The following EFCAB13 variants were observed in gnomAD, a reference collection of about 807,000 sequenced individuals.
EFCAB13 encodes EF-hand calcium binding domain 13.
Under a neutral mutation model 110.2 loss-of-function variants are expected in EFCAB13, and 91 were observed. The ratio of observed to expected loss-of-function variants is 0.83; its 90% confidence interval spans 0.70 to 0.98. EFCAB13 has a LOEUF of 0.98. Ranked by LOEUF, EFCAB13 falls within the 50% of genes least tolerant of loss-of-function variation. The probability of loss-of-function intolerance (pLI) is 0.00; values close to 1 mark genes in which losing one functional copy is unlikely to be tolerated. For synonymous variants in EFCAB13, 323 were observed against 369.9 expected (o/e 0.87, Z 1.45); for missense variants, 968 against 1,119.4 (o/e 0.86, Z 1.93).
At chr17:47,359,943 A>G (rs2065503482) in intron 9 of EFCAB13, among the ~76,000 whole-genome samples, 1 of 151,360 alleles carries the variant, frequency 6.6e-6, no homozygotes. Flanking sequence ...TGTCCCTACA[A>G]AGGACATGAA....
At chr17:47,394,598 A>G (rs1305317686) in intron 16 of EFCAB13, among the ~76,000 whole-genome samples, 1 of 152,224 alleles carries the variant, frequency 6.6e-6, no homozygotes, top group Non-Finnish European at 1.5e-5. Context: ...AGTTCACCAT[A>G]AAGAAGTGTA....
intron 22 of EFCAB13, among the ~76,000 whole-genome samples, chr17:47,414,531 A>G (rs1402683332): frequency 6.7e-6 from 1 of 150,362 alleles, no homozygotes; most frequent in East Asian, 2.0e-4. Context: ...AAAAAAAAAT[A>G]GGCATGCGAA....
intron 11 of EFCAB13, among the ~76,000 whole-genome samples, chr17:47,374,099 C>T (rs1262932196): frequency 6.6e-6 from 1 of 152,100 alleles, no homozygotes; most frequent in Non-Finnish European, 1.5e-5. Flanking sequence ...AAAATCTCCC[C>T]TTTCCTCATA....
At chr17:47,435,719 CA>C (rs1905200340) in intron 24 of EFCAB13, among the ~76,000 whole-genome samples, 1 of 87,828 alleles carries the variant, frequency 1.1e-5, no homozygotes. Flanking sequence ...TTGAGGTAAA[CA>C]ATCATCATCT....
intron 18 of EFCAB13, among the ~76,000 whole-genome samples, chr17:47,402,975 C>T (rs868437524): frequency 6.6e-6 from 1 of 152,140 alleles, no homozygotes. Flanking sequence ...AGACTCTACT[C>T]AAGGTGGTTG....
chr17:47,392,586 C>T (rs2065714053), intron 15 of EFCAB13, among the ~76,000 whole-genome samples: 1 of 151,958 alleles, frequency 6.6e-6, no homozygotes, highest in South Asian at 2.1e-4. Flanking sequence ...TAAGGAACTT[C>T]CAAACATATC....
intron 2 of EFCAB13, among the ~76,000 whole-genome samples, chr17:47,325,920 CAA>C (rs1491472133): frequency 0.011 from 554 of 48,344 alleles, 10 homozygotes; most frequent in African/African-American, 0.047. Flanking sequence ...TATATATAAA[CAA>C]AATATATATA....
intron 12 of EFCAB13, among the ~76,000 whole-genome samples, chr17:47,377,176 T>TACATATACAAACACAC (rs1468227931): frequency 6.6e-5 from 10 of 151,956 alleles, no homozygotes; most frequent in Non-Finnish European, 1.5e-4. Flanking sequence ...CACACACACA[T>TACATATACAAACACAC]ACACATACAA....
chr17:47,351,313 G>A (rs1239449903), intron 9 of EFCAB13, among the ~76,000 whole-genome samples: 11 of 112,054 alleles, frequency 9.8e-5, no homozygotes, highest in African/African-American at 3.1e-4. Flanking sequence ...GTGCGCGCGC[G>A]CGCGCGCGCG....
chr17:47,336,213 A>G (rs1598719196), intron 5 of EFCAB13, among the ~76,000 whole-genome samples: 1 of 146,454 alleles, frequency 6.8e-6, no homozygotes, highest in Admixed American at 6.8e-5. Context: ...TGCAACCTCC[A>G]CCTCCTGGGT....
chr17:47,324,135 G>T lies in EFCAB13; in HGVS notation c.-318+61G>T, dbSNP rs116034021. ...GAGGCGAGACCCGCTGAGGAGTTGGGAGGGGAGCCTTCGAGGTGGAGGGTG... is the reference window on the plus strand; with the variant it reads ...GAGGCGAGACCCGCTGAGGAGTTGGTAGGGGAGCCTTCGAGGTGGAGGGTG... On this transcript the variant is annotated intron_variant, in intron 1 of 24. Transcript: ENST00000331493. 1,418 of 153,112 alleles carry T rather than the reference G, an allele frequency of 9.3e-3. 25 individuals carry two copies. Among genetic ancestry groups the T allele is most frequent in the African/African-American group, 0.032 (1,314 of 41,524 alleles). 9.5% of individuals were successfully genotyped at this position (153,112 alleles called of 1,614,324 possible).
At chr17:47,376,117 T>C (rs2065613969) in intron 12 of EFCAB13, among the ~76,000 whole-genome samples, 1 of 152,174 alleles carries the variant, frequency 6.6e-6, no homozygotes, top group Non-Finnish European at 1.5e-5. Flanking sequence ...CATATCACAT[T>C]TAGTATTTAA....
chr17:47,420,753 G>T (rs1904652544), intron 23 of EFCAB13, among the ~76,000 whole-genome samples: 1 of 152,060 alleles, frequency 6.6e-6, no homozygotes, highest in South Asian at 2.1e-4. Context: ...CCGCCCGGCA[G>T]CCACCCCGTC....
rs1295262347 is a variant in EFCAB13, at chr17:47,326,501, CATTGT to C, written c.-86+118_-86+122del. The C allele has an allele frequency of 2.0e-5, 3 of 152,194 alleles. No homozygotes were observed. In the East Asian group the frequency reaches 5.8e-4, roughly 29 times the overall value. 9.4% of individuals were successfully genotyped at this position (152,194 alleles called of 1,614,324 possible). A position where few individuals can be genotyped will look rare whatever the true frequency, so the allele number is the denominator to read the frequency against. On this transcript the variant is annotated intron_variant, in intron 3 of 24. Coordinates refer to ENST00000331493, the MANE Select transcript of EFCAB13 (RefSeq NM_152347.5). ...ACTCTTTCCTTCATTATATATATAC[CATTGT>C]ATTTGATACTGTGAGAAATAATTTT...
intron 12 of EFCAB13, among the ~76,000 whole-genome samples, chr17:47,375,886 G>C (rs2143365980): frequency 6.6e-6 from 1 of 152,162 alleles, no homozygotes; most frequent in South Asian, 2.1e-4. Context: ...ATCTCTTATG[G>C]AAGGAGAATA....
intron 17 of EFCAB13, among the ~76,000 whole-genome samples, chr17:47,399,167 G>C (rs555839229): frequency 6.6e-6 from 1 of 152,238 alleles, no homozygotes; most frequent in African/African-American, 2.4e-5. Context: ...TTCTGGCCTT[G>C]GCCTCCCTAA....
intron 15 of EFCAB13, among the ~76,000 whole-genome samples, chr17:47,392,146 A>G (rs1470895339): frequency 1.3e-5 from 2 of 152,140 alleles, no homozygotes; most frequent in Non-Finnish European, 2.9e-5. Context: ...ACACTATTCT[A>G]TTTTGTGTAT....
At chr17:47,406,704 T>C (rs2065807447) in intron 20 of EFCAB13, among the ~76,000 whole-genome samples, 1 of 152,198 alleles carries the variant, frequency 6.6e-6, no homozygotes, top group Non-Finnish European at 1.5e-5. Context: ...AACTAGAACA[T>C]TATTCCACAT....
At chr17:47,389,252 G>A (rs946770972) in intron 14 of EFCAB13, among the ~76,000 whole-genome samples, 2 of 152,120 alleles carry the variant, frequency 1.3e-5, no homozygotes, top group Non-Finnish European at 2.9e-5. Context: ...TGCTCAGGCT[G>A]GTCTTGAACT....
Sources: gnomAD v4.1 joint callset for allele counts (sites outside exome capture counted in the v4.1 genomes callset) on GRCh38, gnomAD v4.1.1 for gene constraint, MANE v1.5 for transcripts, NCBI Gene and HGNC (gene_info 2026-07-23, HGNC 2026-07-21) for gene names.